The following ASPM variants were observed in gnomAD, a reference collection of about 807,000 sequenced individuals.
ASPM encodes assembly factor for spindle microtubules, also known as abnormal spindle-like microcephaly-associated protein.
A neutral mutation model predicts 366.4 loss-of-function variants in ASPM; 256 were observed. The observed-to-expected ratio is 0.70, with a 90% CI of 0.63 to 0.77. ASPM has a LOEUF of 0.77. ASPM is among the 30% of genes least tolerant of loss of function. The probability of loss-of-function intolerance (pLI) is 0.00; values close to 1 mark genes in which losing one functional copy is unlikely to be tolerated. For synonymous variants in ASPM, 1,414 were observed against 1,342.9 expected (o/e 1.05, Z -1.16); for missense variants, 4,146 against 4,090.4 (o/e 1.01, Z -0.37).
intron 4 of ASPM, 102 bp from the exon 5 acceptor site, chr1:197,135,344 T>C: frequency 8.6e-7 from 1 of 1,169,304 alleles, no homozygotes; most frequent in Non-Finnish European, 1.3e-6. Context: ...TTTAAAACAC[T>C]GAACAATATT....
chr1:197,123,193 C>T (rs1266974702), intron 13 of ASPM, among the ~76,000 whole-genome samples: 1 of 152,112 alleles, frequency 6.6e-6, no homozygotes, highest in Non-Finnish European at 1.5e-5. Flanking sequence ...TTCATTACTA[C>T]ACTTGAAAGC....
Position 197,104,323 on chromosome 1 carries a change from T to C in ASPM, c.4928A>G (p.Tyr1643Cys). Residue 1643 changes from tyrosine to cysteine, a missense_variant, in exon 18 of 28, where the codon TAT becomes TGT. This residue lies in a region of ASPM where 3,624 missense variants were observed against 3,591.7 expected (regional missense o/e 1.01). Transcript: ENST00000367409. ...RSAVIVLQSA[Y>C]RGMQARKMYI... ...CATTTTCCTGGCTTGCATCCCTCTATATGCAGACTGCAGCACAATGACAGC... is the reference window on the plus strand; with the variant it reads ...CATTTTCCTGGCTTGCATCCCTCTACATGCAGACTGCAGCACAATGACAGC... 2.5e-6 allele frequency: 4 copies of C among 1,613,114 alleles called. No individual in the cohort carries two copies. The highest frequency in any genetic ancestry group is 3.4e-6 in the Non-Finnish European group (4 of 1,179,434).
At chr1:197,086,997 T>C in intron 26 of ASPM, 25 bp from the exon 27 acceptor site, 1 of 1,579,646 alleles carries the variant, frequency 6.3e-7, no homozygotes. Context: ...GCACAGTTAC[T>C]AAAAAGTAAT....
At position 197,104,024 on chromosome 1, in the gene ASPM, G is replaced by A. The variant is rs201956605; in HGVS notation, c.5227C>T (p.Leu1743Phe). ...IKLQAFVRGYLVRKQMRLQRK... is the reference protein window; with the variant it reads ...IKLQAFVRGYFVRKQMRLQRK... ...TGTAACCTCATCTGCTTTCGGACAA[G>A]GTATCCTCTAACAAATGCTTGCAGT... The change falls in exon 18 of 28, where the codon CTT becomes TTT. Residue 1743 changes from leucine to phenylalanine, a missense_variant. Physicochemically the swap from Leu to Phe is conservative, Grantham distance 22 (BLOSUM62 0). Around this residue, in one of 3 missense-constraint regions of ASPM, gnomAD observed 3,624 missense variants for 3,591.7 expected, o/e 1.01. Transcript: ENST00000367409. 4.3e-6 allele frequency: 7 copies of A among 1,612,486 alleles called. No individual in the cohort carries two copies. The African/African-American group carries it at 9.4e-5, about 22-fold the overall frequency.
chr1:197,087,356 G>A (rs532787122), intron 26 of ASPM, among the ~76,000 whole-genome samples: 36 of 152,112 alleles, frequency 2.4e-4, no homozygotes, highest in Non-Finnish European at 4.6e-4. Flanking sequence ...GATTACAGGC[G>A]TGAGCCACCG....
chr1:197,101,492 A>G lies in ASPM; in HGVS notation c.7759T>C (p.Tyr2587His), dbSNP rs756950789. ...QWATKIIQEK[Y>H]RANKKKQKVF... ...TTCTGTTTCTTTTTATTTGCTCTAT[A>G]TTTTTCTTGTATGATTTTTGTAGCC... Residue 2587 changes from tyrosine to histidine, a missense_variant, in exon 18 of 28, where the codon TAT becomes CAT. Coordinates refer to ENST00000367409, the MANE Select transcript of ASPM (RefSeq NM_018136.5). 1.2e-6 allele frequency: 2 copies of G among 1,609,196 alleles called. No homozygotes were observed. Among genetic ancestry groups the G allele is most frequent in the Non-Finnish European group, 1.7e-6 (2 of 1,178,944 alleles).
intron 3 of ASPM, 125 bp from the exon 4 acceptor site, chr1:197,139,996 ACTGTACTC>A: frequency 3.0e-6 from 2 of 665,158 alleles, no homozygotes; most frequent in Non-Finnish European, 5.4e-6. Flanking sequence ...CTTAATAACC[ACTGTACTC>A]CACGCACTAA....
At chr1:197,092,626 C>T (rs2125089253) in intron 21 of ASPM, among the ~76,000 whole-genome samples, 1 of 152,028 alleles carries the variant, frequency 6.6e-6, no homozygotes, top group East Asian at 1.9e-4. Flanking sequence ...GCTTGAATAT[C>T]ATGACCTCCC....
intron 20 of ASPM, among the ~76,000 whole-genome samples, chr1:197,093,856 G>T (rs1656876186): frequency 6.6e-6 from 1 of 151,776 alleles, no homozygotes; most frequent in African/African-American, 2.4e-5. Flanking sequence ...AACAAGGTAT[G>T]CCTGTACAGT....
intron 4 of ASPM, chr1:197,139,334 C>T (rs139423467): frequency 5.0e-5 from 34 of 678,756 alleles, no homozygotes; most frequent in Admixed American, 3.6e-4. Context: ...CGGTGGCTCA[C>T]GCCTGAAATC....
rs1479047561 is a variant in ASPM, at chr1:197,132,398, TAG to T, written c.2420-48_2420-47del. ...AAATAAGTTCAAATTGATAATCAAA[TAG>T]AGACAAGAAATAAAACTTCAAGGAG... On this transcript the variant is annotated intron_variant, in intron 6 of 27. Transcript: ENST00000367409. 4.6e-6 allele frequency: 7 copies of T among 1,526,550 alleles called. No homozygotes were observed. In the South Asian group the frequency reaches 6.8e-5, roughly 15 times the overall value. 94.6% of individuals were successfully genotyped at this position (1,526,550 alleles called of 1,614,324 possible).
intron 26 of ASPM, 22 bp from the exon 27 acceptor site, chr1:197,086,994 T>C (rs777398317): frequency 6.3e-7 from 1 of 1,588,122 alleles, no homozygotes; most frequent in South Asian, 1.1e-5. Flanking sequence ...AATGCACAGT[T>C]ACTAAAAAGT....
At chr1:197,107,055 G>A (rs1657435415) in intron 17 of ASPM, among the ~76,000 whole-genome samples, 1 of 152,004 alleles carries the variant, frequency 6.6e-6, no homozygotes, top group South Asian at 2.1e-4. Flanking sequence ...ATGCAGTAGA[G>A]CAGTGTAACT....
At chr1:197,141,557 C>T (rs1278824241) in intron 3 of ASPM, among the ~76,000 whole-genome samples, 1 of 152,152 alleles carries the variant, frequency 6.6e-6, no homozygotes, top group Non-Finnish European at 1.5e-5. Flanking sequence ...AGAAATTCCT[C>T]ATTCTTAAAC....
At position 197,092,102 on chromosome 1, in the gene ASPM, T is replaced by A. The variant is rs779596606; in HGVS notation, c.9295-46A>T. On this transcript the variant is annotated intron_variant, in intron 21 of 27. Coordinates refer to ENST00000367409, the MANE Select transcript of ASPM (RefSeq NM_018136.5). ...CATATTCAAGTATCTGCCTCCTAAG[T>A]TAATCAATGAGTGTTTTTTTTTGTA... The A allele has an allele frequency of 1.8e-5, 29 of 1,598,820 alleles. 1 individual carries two copies. In the South Asian group the frequency reaches 2.9e-4, roughly 16 times the overall value.
chr1:197,085,251 C>A (rs1215767558), intron 27 of ASPM, among the ~76,000 whole-genome samples: 1 of 152,072 alleles, frequency 6.6e-6, no homozygotes, highest in Non-Finnish European at 1.5e-5. Context: ...TTATTTTTTG[C>A]CAATAATTAC....
At chr1:197,139,106 A>G (rs1286637526) in intron 4 of ASPM, 4 of 772,860 alleles carry the variant, frequency 5.2e-6, no homozygotes, top group East Asian at 4.9e-5. Context: ...TGGTACCTAC[A>G]GCATTCATAG....
Position 197,122,037 on chromosome 1 carries a change from T to A in ASPM, c.3748A>T (p.Ile1250Phe), listed in dbSNP as rs1657925714. ...GCACAAAGAAATGACAAATAGGTAA[T>A]AACCACCTAAAAAAAACCCACAAAA... Reference protein sequence around the residue: ...SNTIPDEKVVITYLSFLCARL... With the variant: ...SNTIPDEKVVFTYLSFLCARL... Residue 1250 changes from isoleucine to phenylalanine, a missense_variant, in exon 16 of 28, where the codon ATT becomes TTT. By Grantham distance (21) the Ile-to-Phe change is conservative. This residue lies in a region of ASPM where 3,624 missense variants were observed against 3,591.7 expected (regional missense o/e 1.01). Transcript: ENST00000367409. 1 of 1,611,772 alleles carries A rather than the reference T, an allele frequency of 6.2e-7. No homozygotes were observed. Among genetic ancestry groups the A allele is most frequent in the Non-Finnish European group, 8.5e-7 (1 of 1,178,666 alleles).
chr1:197,121,529 A>C (rs1475238596), intron 16 of ASPM, among the ~76,000 whole-genome samples: 1 of 152,202 alleles, frequency 6.6e-6, no homozygotes, highest in South Asian at 2.1e-4. Flanking sequence ...GTTGAGGTCA[A>C]GCCTCATACA....
Sources: allele counts gnomAD v4.1 joint callset (sites outside exome capture counted in the v4.1 genomes callset), GRCh38; gene constraint gnomAD v4.1.1; regional missense constraint gnomAD v4.1.1; transcripts MANE v1.5; gene names NCBI Gene and HGNC (gene_info 2026-07-23, HGNC 2026-07-21).